The following FRS2 variants were observed in gnomAD, a reference collection of about 807,000 sequenced individuals.
FRS2 encodes the protein fibroblast growth factor receptor substrate 2, also known as FGFR signalling adaptor.
FRS2 carries 8 observed loss-of-function variants against 43.9 expected under a neutral mutation model. The ratio of observed to expected loss-of-function variants is 0.18; its 90% CI spans 0.11 to 0.33. The LOEUF (loss-of-function observed/expected upper bound fraction) is 0.33. Among genes scored for constraint, FRS2 ranks in the 10% least tolerant of loss-of-function variants. The probability of loss-of-function intolerance (pLI) is 1.00; values close to 1 mark genes in which losing one functional copy is unlikely to be tolerated. For synonymous variants in FRS2, 219 were observed against 220.3 expected, an observed-to-expected ratio of 0.99 and a Z score of 0.05; for missense variants, 534 against 627.6, an observed-to-expected ratio of 0.85 and a Z score of 1.59.
chr12:69,523,063 G>A (rs1364620839), intron 1 of FRS2, among the ~76,000 whole-genome samples: 1 of 152,174 alleles, frequency 6.6e-6, no homozygotes, highest in Non-Finnish European at 1.5e-5. Context: ...TTCTGTTTTG[G>A]GGTGGAGAGT....
At chr12:69,520,633 A>G (rs888413573) in intron 1 of FRS2, among the ~76,000 whole-genome samples, 34 of 152,102 alleles carry the variant, frequency 2.2e-4, no homozygotes, top group African/African-American at 7.2e-4. Flanking sequence ...TCTTCTGCAT[A>G]TGGCTATCAG....
chr12:69,532,341 G>A (rs1251931394), intron 3 of FRS2, among the ~76,000 whole-genome samples: 1 of 152,056 alleles, frequency 6.6e-6, no homozygotes, highest in Non-Finnish European at 1.5e-5. Context: ...TCCTTTTTAG[G>A]AAAAAAGTTC....
intron 1 of FRS2, chr12:69,486,427 ATG>A (rs1272325373): frequency 6.6e-6 from 1 of 152,204 alleles, no homozygotes; most frequent in African/African-American, 2.4e-5. Context: ...TGATCAATAA[ATG>A]TGTGTGTTCT....
In FRS2 at chr12:69,571,976, G is replaced by T. The variant is rs1823970222; in HGVS notation, c.413-142G>T. On this transcript the variant is annotated intron_variant, in intron 7 of 8. Transcript: ENST00000549921. The stretch of plus-strand genomic sequence containing the variant: ...TTCATATTAGGTAAAATATGGAGTT[G>T]GGGGTAATACTATTTGTGCTCTGAT... 3 of 556,494 alleles carry T rather than the reference G, an allele frequency of 5.4e-6. No homozygotes were observed. The East Asian group carries it at 8.9e-5, about 17-fold the overall frequency. 34.5% of individuals were successfully genotyped at this position (556,494 alleles called of 1,614,324 possible).
chr12:69,472,959 A>T (rs1323447641), intron 1 of FRS2, among the ~76,000 whole-genome samples: 4 of 152,254 alleles, frequency 2.6e-5, no homozygotes, highest in African/African-American at 9.6e-5. Flanking sequence ...CTAGAAGGGG[A>T]TATAAGATTT....
At chr12:69,485,135 A>ACT (rs1555183240) in intron 1 of FRS2, among the ~76,000 whole-genome samples, 140 of 80,784 alleles carry the variant, frequency 1.7e-3, no homozygotes, top group Non-Finnish European at 1.6e-3. Context: ...ACACACACAC[A>ACT]CTCTCACCCC....
chr12:69,514,040 G>A (rs1874731816), intron 1 of FRS2, among the ~76,000 whole-genome samples: 1 of 152,060 alleles, frequency 6.6e-6, no homozygotes, highest in African/African-American at 2.4e-5. Context: ...TCTTTGGAGA[G>A]ATGGAAAATT....
chr12:69,496,318 T>A (rs1235784487), intron 1 of FRS2, among the ~76,000 whole-genome samples: 1 of 152,030 alleles, frequency 6.6e-6, no homozygotes, highest in African/African-American at 2.4e-5. Context: ...GCACCTGTAA[T>A]CCCAGTTACT....
chr12:69,496,316 A>T (rs1350417313), intron 1 of FRS2, among the ~76,000 whole-genome samples: 1 of 152,152 alleles, frequency 6.6e-6, no homozygotes, highest in African/African-American at 2.4e-5. Context: ...GGGCACCTGT[A>T]ATCCCAGTTA....
chr12:69,486,247 C>G (rs1285584472), intron 1 of FRS2: 2 of 151,340 alleles, frequency 1.3e-5, no homozygotes, highest in Non-Finnish European at 2.9e-5. Context: ...TGTATCAGTG[C>G]CATTTTTCCA....
chr12:69,505,097 G>T (rs779573711), intron 1 of FRS2, among the ~76,000 whole-genome samples: 1 of 152,166 alleles, frequency 6.6e-6, no homozygotes, highest in Non-Finnish European at 1.5e-5. Context: ...GGCCTCTAGT[G>T]ATCCTCCCAC....
intron 1 of FRS2, among the ~76,000 whole-genome samples, chr12:69,478,393 A>C (rs1871034951): frequency 6.6e-6 from 1 of 152,106 alleles, no homozygotes; most frequent in South Asian, 2.1e-4. Context: ...AGGAGAACTA[A>C]ATTTTTAATT....
intron 1 of FRS2, among the ~76,000 whole-genome samples, chr12:69,501,885 A>G (rs1228141927): frequency 6.6e-6 from 1 of 152,218 alleles, no homozygotes; most frequent in Non-Finnish European, 1.5e-5. Context: ...ATTCTTTACT[A>G]GACAGCATTA....
At chr12:69,522,754 C>T (rs116096887) in intron 1 of FRS2, among the ~76,000 whole-genome samples, 2,039 of 152,284 alleles carry the variant, frequency 0.013, 51 homozygotes, top group African/African-American at 0.045. Flanking sequence ...TCCCTCTTCA[C>T]GCTGCCTTAG....
chr12:69,516,540 C>T (rs1032536534), intron 1 of FRS2, among the ~76,000 whole-genome samples: 7 of 152,212 alleles, frequency 4.6e-5, no homozygotes, highest in African/African-American at 1.4e-4. Flanking sequence ...ATTAAGTGCC[C>T]TTCCACACAC....
chr12:69,528,512 A>C (rs1876480026), intron 1 of FRS2, among the ~76,000 whole-genome samples: 1 of 152,216 alleles, frequency 6.6e-6, no homozygotes, highest in African/African-American at 2.4e-5. Context: ...TCTGTTCTAG[A>C]GTTATGGTAC....
chr12:69,495,115 C>T (rs1041880622), intron 1 of FRS2, among the ~76,000 whole-genome samples: 4 of 152,098 alleles, frequency 2.6e-5, no homozygotes, highest in African/African-American at 9.7e-5. Context: ...GATATGAGGA[C>T]TAAATCTCCT....
chr12:69,533,526 T>G (rs1391354107), intron 3 of FRS2, among the ~76,000 whole-genome samples: 1 of 152,164 alleles, frequency 6.6e-6, no homozygotes, highest in African/African-American at 2.4e-5. Context: ...GTTTTGTATT[T>G]TTAGTAGAGA....
intron 3 of FRS2, among the ~76,000 whole-genome samples, chr12:69,544,049 T>C (rs1336893340): frequency 6.7e-6 from 1 of 150,112 alleles, no homozygotes; most frequent in Non-Finnish European, 1.5e-5. Flanking sequence ...AGCTCAGCCA[T>C]TGAGTTTATC....
Sources: allele counts gnomAD v4.1 joint callset (sites outside exome capture counted in the v4.1 genomes callset), GRCh38; gene constraint gnomAD v4.1.1; transcripts MANE v1.5; gene names NCBI Gene and HGNC (gene_info 2026-07-23, HGNC 2026-07-21).